PKP4: variants seen among roughly 807,000 people sequenced by gnomAD.
PKP4 encodes plakophilin 4.
PKP4 carries 90 observed loss-of-function variants against 145.1 expected under a neutral mutation model. The ratio of observed to expected loss-of-function variants is 0.62; its 90% CI spans 0.52 to 0.74. PKP4 has a LOEUF of 0.74. Among genes scored for constraint, PKP4 ranks in the 30% least tolerant of loss-of-function variants. The pLI is 0.00. For missense variants in PKP4, 1,340 were observed against 1,482.7 expected, an observed-to-expected ratio of 0.90 and a Z score of 1.58; for synonymous variants, 563 against 577.2, an observed-to-expected ratio of 0.98 and a Z score of 0.35.
At chr2:158,564,355 T>G (rs532430390) in intron 2 of PKP4, among the ~76,000 whole-genome samples, 14 of 152,288 alleles carry the variant, frequency 9.2e-5, no homozygotes, top group Admixed American at 7.8e-4. Context: ...GTCCAACTCA[T>G]TCTTTTGAAT....
intron 1 of PKP4, among the ~76,000 whole-genome samples, chr2:158,530,503 T>C (rs1121954): frequency 0.2 from 23,715 of 121,210 alleles, 2,879 homozygotes; most frequent in Non-Finnish European, 0.28. Context: ...ACTCTTTCTT[T>C]CTTTTTTTTT....
intron 4 of PKP4, among the ~76,000 whole-genome samples, chr2:158,608,243 G>A (rs917184726): frequency 1.7e-4 from 26 of 151,922 alleles, no homozygotes; most frequent in Non-Finnish European, 2.2e-4. Context: ...ATACTATTAC[G>A]TGCTTAGTAT....
chr2:158,581,875 T>C (rs1350358483), intron 3 of PKP4, among the ~76,000 whole-genome samples: 3 of 152,234 alleles, frequency 2.0e-5, no homozygotes, highest in Admixed American at 6.5e-5. Flanking sequence ...AATGACTCTT[T>C]AGAATTAGTA....
rs774277494 is a variant in PKP4, at chr2:158,669,863, G to A, written c.2872G>A (p.Asp958Asn). The A allele has an allele frequency of 7.4e-6, 12 of 1,613,860 alleles. No homozygotes were observed. Among genetic ancestry groups the A allele is most frequent in the South Asian group, 3.3e-5 (3 of 90,998 alleles). The change falls in exon 17 of 22, where the codon GAC (aspartate) becomes AAC (asparagine). Residue 958 changes from aspartate (D) to asparagine (N), a missense_variant. Coordinates refer to ENST00000389759, the MANE Select transcript of PKP4 (RefSeq NM_003628.6). The stretch of plus-strand genomic sequence containing the variant: ...CATGGAGAACGCAAAAGCCCTGGCC[G>A]ACTCAGGAGGCATAGAGAAGCTGGT... ...KNMENAKALA[D>N]SGGIEKLVNI... is the part of the protein sequence containing the mutation.
At chr2:158,570,144 G>T (rs762185953) in intron 2 of PKP4, among the ~76,000 whole-genome samples, 10 of 152,170 alleles carry the variant, frequency 6.6e-5, no homozygotes, top group Non-Finnish European at 1.0e-4. Flanking sequence ...CAGGACATTT[G>T]ATTATCTCTG....
rs557741211 is a variant in PKP4 at position 158,615,310 on chromosome 2, T to A, written c.281-5680T>A. 2.0e-4 allele frequency among the ~76,000 whole-genome samples: 31 copies of A among 152,220 alleles called. No homozygotes were observed. In the East Asian group the frequency reaches 5.4e-3, roughly 27 times the overall value. On this transcript the variant is annotated intron_variant, in intron 4 of 21. Coordinates refer to ENST00000389759, the MANE Select transcript of PKP4 (RefSeq NM_003628.6). ...ACTTTTTATATCACAATGAATCCCT[T>A]ACTTATCCCTTTTTCAGCTTTCCTA...
chr2:158,559,274 C>T (rs1462384118), intron 2 of PKP4, among the ~76,000 whole-genome samples: 1 of 151,970 alleles, frequency 6.6e-6, no homozygotes, highest in African/African-American at 2.4e-5. Context: ...GTGATCCTTT[C>T]TACAGCCCCT....
chr2:158,639,894 C>T (rs1177015764), intron 9 of PKP4, among the ~76,000 whole-genome samples: 2 of 151,888 alleles, frequency 1.3e-5, no homozygotes, highest in South Asian at 2.1e-4. Flanking sequence ...CTAAGGTTGC[C>T]GTAAGAATAA....
intron 7 of PKP4, 138 bp downstream of exon 7, chr2:158,625,565 T>A (rs2052694716): frequency 4.4e-6 from 3 of 675,186 alleles, no homozygotes; most frequent in Non-Finnish European, 7.4e-6. Context: ...AACTTAAGGT[T>A]AACTTGTCTT....
intron 3 of PKP4, among the ~76,000 whole-genome samples, chr2:158,581,577 C>T (rs1392699361): frequency 6.6e-6 from 1 of 152,152 alleles, no homozygotes; most frequent in Non-Finnish European, 1.5e-5. Context: ...TGTTTAATGA[C>T]GCTTATGCTG....
intron 1 of PKP4, among the ~76,000 whole-genome samples, chr2:158,475,182 C>T (rs976711312): frequency 1.3e-5 from 2 of 152,144 alleles, no homozygotes; most frequent in Non-Finnish European, 2.9e-5. Flanking sequence ...ACTTTTATAG[C>T]TGTCTTAAGG....
chr2:158,634,333 G>A, intron 9 of PKP4, 44 bp downstream of exon 9: 4 of 1,492,848 alleles, frequency 2.7e-6, no homozygotes, highest in Non-Finnish European at 3.7e-6. Flanking sequence ...AGTATTGCAG[G>A]AGTCAGCCAG....
Position 158,621,123 on chromosome 2 carries a change from T to A in PKP4, c.412+2T>A. 1 of 1,614,046 alleles carries A rather than the reference T, an allele frequency of 6.2e-7. No individual in the cohort carries two copies. Among genetic ancestry groups the A allele is most frequent in the Non-Finnish European group, 8.5e-7 (1 of 1,179,950 alleles). On this transcript the variant is annotated splice_donor_variant, in intron 5 of 21. Transcript: ENST00000389759. LOFTEE classifies it high-confidence loss of function. ...AGACATCTCTCCATGAAAGTGAGGG[T>A]CTGTTGTGTTATCTTTTAAGTACTG...
intron 1 of PKP4, among the ~76,000 whole-genome samples, chr2:158,469,543 A>G (rs1464216234): frequency 6.6e-6 from 1 of 152,076 alleles, no homozygotes; most frequent in Non-Finnish European, 1.5e-5. Context: ...GTTTTTATTA[A>G]TGTCTTTTCT....
chr2:158,544,640 A>G (rs1394276951), intron 2 of PKP4, among the ~76,000 whole-genome samples: 2 of 152,172 alleles, frequency 1.3e-5, no homozygotes, highest in Admixed American at 6.6e-5. Flanking sequence ...ATCGGTGAAT[A>G]TGGTATGAAT....
At chr2:158,532,638 C>CTGT (rs1375971894) in intron 1 of PKP4, among the ~76,000 whole-genome samples, 4 of 24,108 alleles carry the variant, frequency 1.7e-4, no homozygotes, top group Non-Finnish European at 3.3e-4. Flanking sequence ...TGCCAAGAAC[C>CTGT]TATTCTATCA....
At chr2:158,572,541 T>A (rs1206381802) in intron 2 of PKP4, among the ~76,000 whole-genome samples, 1 of 152,170 alleles carries the variant, frequency 6.6e-6, no homozygotes, top group Non-Finnish European at 1.5e-5. Context: ...GCCACAGGCA[T>A]TTGAGGACAG....
intron 2 of PKP4, among the ~76,000 whole-genome samples, chr2:158,553,169 G>T (rs2045782383): frequency 6.6e-6 from 1 of 152,112 alleles, no homozygotes; most frequent in Non-Finnish European, 1.5e-5. Flanking sequence ...CAAATCAAGG[G>T]GAAACCTCTC....
At chr2:158,549,367 A>G (rs141360232) in intron 2 of PKP4, 1 of 152,316 alleles carries the variant, frequency 6.6e-6, no homozygotes, top group African/African-American at 2.4e-5. Context: ...GGCTTGAGTC[A>G]GTGTAGTCTG....
Sources: gnomAD v4.1 joint callset for allele counts (sites outside exome capture counted in the v4.1 genomes callset) on GRCh38, gnomAD v4.1.1 for gene constraint, MANE v1.5 for transcripts, NCBI Gene and HGNC (gene_info 2026-07-23, HGNC 2026-07-21) for gene names.